LTBP1: variants seen among roughly 807,000 people sequenced by gnomAD.
The protein encoded by LTBP1 is latent transforming growth factor beta binding protein 1, also known as latent-transforming growth factor beta-binding protein 1.
Under a neutral mutation model 207.6 loss-of-function variants are expected in LTBP1, and 129 were observed. That is an observed-to-expected ratio of 0.62 (90% CI 0.54 to 0.72). The LOEUF is 0.72. Ranked by LOEUF, LTBP1 falls within the 30% of genes least tolerant of loss-of-function variation. The pLI, the probability that LTBP1 is intolerant of heterozygous loss-of-function variation, is 0.00. For missense variants in LTBP1, 2,281 were observed against 2,217.2 expected, an observed-to-expected ratio of 1.03 and a Z score of -0.58; for synonymous variants, 963 against 833.7, an observed-to-expected ratio of 1.16 and a Z score of -2.67.
intron 5 of LTBP1, among the ~76,000 whole-genome samples, chr2:33,179,186 G>T (rs1252274377): frequency 1.3e-5 from 2 of 150,860 alleles, no homozygotes; most frequent in Non-Finnish European, 2.9e-5. Context: ...TAAAACATGA[G>T]ATCTTTCTGT....
chr2:33,327,151 G>C (rs1054772092), intron 24 of LTBP1, among the ~76,000 whole-genome samples: 2 of 152,168 alleles, frequency 1.3e-5, no homozygotes, highest in African/African-American at 4.8e-5. Context: ...CTCTGGGAAG[G>C]GGGTGAGTCC....
At chr2:32,968,576 A>C (rs1219963098) in intron 2 of LTBP1, among the ~76,000 whole-genome samples, 2 of 152,162 alleles carry the variant, frequency 1.3e-5, no homozygotes, top group Non-Finnish European at 2.9e-5. Context: ...CCACTCTGAC[A>C]GTCTCTGCCT....
At chr2:32,983,311 C>T (rs547363895) in intron 2 of LTBP1, among the ~76,000 whole-genome samples, 108 of 152,300 alleles carry the variant, frequency 7.1e-4, no homozygotes, top group African/African-American at 2.3e-3. Flanking sequence ...TTACCCAATG[C>T]CTGTACCCTC....
intron 2 of LTBP1, among the ~76,000 whole-genome samples, chr2:33,007,477 A>G (rs1254673355): frequency 1.3e-5 from 2 of 152,226 alleles, no homozygotes; most frequent in East Asian, 1.9e-4. Flanking sequence ...GTTTGGAAAT[A>G]TGAGCCTTGA....
chr2:33,071,848 T>C (rs2077807306), intron 3 of LTBP1, among the ~76,000 whole-genome samples: 1 of 152,216 alleles, frequency 6.6e-6, no homozygotes, highest in Non-Finnish European at 1.5e-5. Flanking sequence ...AAACTCCAAC[T>C]GTGCTTCCCC....
At position 33,206,011 on chromosome 2, in the gene LTBP1, TA is replaced by T. The variant is rs759340983; in HGVS notation, c.1702-11530del. Among the ~76,000 whole-genome samples the T allele has an allele frequency of 2.9e-3, 426 of 147,324 alleles. 4 individuals carry two copies. Among genetic ancestry groups the T allele is most frequent in the African/African-American group, 9.8e-3 (396 of 40,398 alleles). On this transcript the variant is annotated intron_variant, in intron 7 of 33. Coordinates refer to ENST00000404816, the MANE Select transcript of LTBP1 (RefSeq NM_206943.4). ...TCCAGCCTCCAGAACTGTGAGGAAATAAAAAAAAAAATCTATTGTTTAAACC... is the reference window on the plus strand; with the variant it reads ...TCCAGCCTCCAGAACTGTGAGGAAATAAAAAAAAAATCTATTGTTTAAACC...
chr2:33,022,315 G>C (rs1301511191), intron 3 of LTBP1, among the ~76,000 whole-genome samples: 6 of 58,470 alleles, frequency 1.0e-4, no homozygotes, highest in Non-Finnish European at 1.7e-4. Flanking sequence ...ATTTCTTCTT[G>C]TCTCATAATA....
chr2:33,311,187 A>G (rs1237101635), intron 23 of LTBP1, among the ~76,000 whole-genome samples: 1 of 152,214 alleles, frequency 6.6e-6, no homozygotes, highest in Non-Finnish European at 1.5e-5. Context: ...TGTCAGAGAT[A>G]TGAAAAACAC....
At position 32,984,870 on chromosome 2, in the gene LTBP1, G is replaced by A. The variant is rs547476446; in HGVS notation, c.565+35925G>A. Reference sequence around the variant, plus strand: ...CGCTTGAACCCAGGAGGCGGAGGTCGCAGTGAGCTGAGATTGCGCCACTGA... The same window carrying A: ...CGCTTGAACCCAGGAGGCGGAGGTCACAGTGAGCTGAGATTGCGCCACTGA... On this transcript the variant is annotated intron_variant, in intron 2 of 33. Coordinates refer to ENST00000404816, the MANE Select transcript of LTBP1 (RefSeq NM_206943.4). 5.3e-5 allele frequency among the ~76,000 whole-genome samples: 8 copies of A among 152,290 alleles called. No homozygotes were observed. The East Asian group carries it at 7.7e-4, about 15-fold the overall frequency.
chr2:33,383,176 A>C (rs1385602400), intron 31 of LTBP1, among the ~76,000 whole-genome samples: 1 of 152,202 alleles, frequency 6.6e-6, no homozygotes, highest in Admixed American at 6.5e-5. Flanking sequence ...CAACATACTG[A>C]AACCCCGTCT....
intron 4 of LTBP1, among the ~76,000 whole-genome samples, chr2:33,131,018 G>A (rs1425015286): frequency 6.6e-6 from 1 of 152,058 alleles, no homozygotes; most frequent in Non-Finnish European, 1.5e-5. Flanking sequence ...GTGCCACTCG[G>A]GATGGTCTTC....
intron 7 of LTBP1, among the ~76,000 whole-genome samples, chr2:33,208,949 G>T (rs1014649484): frequency 6.9e-6 from 1 of 145,760 alleles, no homozygotes; most frequent in Non-Finnish European, 1.5e-5. Context: ...CTGACTGCAA[G>T]CTCCGCCTCC....
At chr2:33,165,699 C>T (rs1450336996) in intron 5 of LTBP1, among the ~76,000 whole-genome samples, 4 of 152,206 alleles carry the variant, frequency 2.6e-5, no homozygotes, top group South Asian at 4.1e-4. Context: ...AGGAATTTAT[C>T]ATCATCATTA....
chr2:33,255,251 A>G (rs1402681641), intron 11 of LTBP1, among the ~76,000 whole-genome samples: 1 of 151,980 alleles, frequency 6.6e-6, no homozygotes, highest in Admixed American at 6.6e-5. Flanking sequence ...TACAAAGGAC[A>G]TGAACTCATC....
chr2:33,363,508 G>A lies in LTBP1; in HGVS notation c.4389G>A (p.Leu1463=). Reference sequence around the variant, plus strand: ...GGACGTACTATGATCCTGTGAAACTGCAGTGCTTTGGTAAGCTTTAGGGGG... The same window carrying A: ...GGACGTACTATGATCCTGTGAAACTACAGTGCTTTGGTAAGCTTTAGGGGG... ...KQGTYYDPVK[L]QCFDMDECQD... Residue 1463 remains leucine (L), a synonymous_variant, in exon 29 of 34, where the codon CTG becomes CTA. Coordinates refer to ENST00000404816, the MANE Select transcript of LTBP1 (RefSeq NM_206943.4). The A allele has an allele frequency of 6.2e-7, 1 of 1,613,776 alleles. No homozygotes were observed. The highest frequency in any genetic ancestry group is 8.5e-7 in the Non-Finnish European group (1 of 1,179,732).
chr2:33,098,348 G>T (rs976715178), intron 3 of LTBP1, among the ~76,000 whole-genome samples: 3 of 152,076 alleles, frequency 2.0e-5, no homozygotes, highest in Non-Finnish European at 4.4e-5. Context: ...GGAAACTTCT[G>T]TATCTTATGC....
At chr2:33,121,159 C>CTTTTTTTTTTTTTTTTTTTTTTTT (rs61065486) in intron 4 of LTBP1, among the ~76,000 whole-genome samples, 5 of 87,536 alleles carry the variant, frequency 5.7e-5, no homozygotes, top group African/African-American at 9.8e-5. Context: ...TTTGTAAAGT[C>CTTTTTTTTTTTTTTTTTTTTTTTT]TTTTTTTTTT....
intron 2 of LTBP1, among the ~76,000 whole-genome samples, chr2:33,004,798 TATATATATATATATATAA>T (rs1383547174): frequency 1.4e-5 from 2 of 142,872 alleles, no homozygotes; most frequent in African/African-American, 5.1e-5. Context: ...TATATATATA[TATATATATATATATATAA>T]ACATAAAATT....
chr2:33,055,366 T>C (rs2076945095), intron 3 of LTBP1, among the ~76,000 whole-genome samples: 1 of 152,230 alleles, frequency 6.6e-6, no homozygotes, highest in Admixed American at 6.5e-5. Flanking sequence ...CCCTGAGTTA[T>C]GGTGGACATC....
Sources: allele counts gnomAD v4.1 joint callset (sites outside exome capture counted in the v4.1 genomes callset), GRCh38; gene constraint gnomAD v4.1.1; transcripts MANE v1.5; gene names NCBI Gene and HGNC (gene_info 2026-07-23, HGNC 2026-07-21).